The following GALNT10 variants were observed in gnomAD, a reference collection of about 807,000 sequenced individuals.
The protein encoded by GALNT10 is polypeptide N-acetylgalactosaminyltransferase 10, also known as GalNAc transferase 10.
In GALNT10, 41 loss-of-function variants were observed where a neutral mutation model predicts 75.0. That is an observed-to-expected ratio of 0.55 (90% CI 0.43 to 0.71). The LOEUF (loss-of-function observed/expected upper bound fraction) is 0.71, where lower values mean the gene tolerates loss of function less well. Among genes scored for constraint, GALNT10 ranks in the 30% least tolerant of loss-of-function variants. GALNT10 has a pLI of 0.00. For missense variants in GALNT10, 727 were observed against 818.5 expected, an observed-to-expected ratio of 0.89 and a Z score of 1.36; for synonymous variants, 302 against 313.0, an observed-to-expected ratio of 0.96 and a Z score of 0.37.
intron 1 of GALNT10, among the ~76,000 whole-genome samples, chr5:154,251,292 A>G (rs979202780): frequency 6.6e-6 from 1 of 151,998 alleles, no homozygotes; most frequent in African/African-American, 2.4e-5. Flanking sequence ...ATGTGTACCC[A>G]TATTAGTTTA....
chr5:154,276,271 G>A (rs1042472771), intron 1 of GALNT10, among the ~76,000 whole-genome samples: 3 of 152,144 alleles, frequency 2.0e-5, no homozygotes, highest in African/African-American at 7.2e-5. Flanking sequence ...TGCAGTTCAG[G>A]ATTGAGGCCC....
intron 1 of GALNT10, among the ~76,000 whole-genome samples, chr5:154,226,134 A>T (rs999298798): frequency 6.6e-6 from 1 of 151,582 alleles, no homozygotes; most frequent in South Asian, 2.1e-4. Flanking sequence ...AAAGTATAAT[A>T]AAAAAAGGAA....
chr5:154,382,806 C>T (rs781403417), intron 6 of GALNT10, among the ~76,000 whole-genome samples: 1 of 152,220 alleles, frequency 6.6e-6, no homozygotes, highest in Non-Finnish European at 1.5e-5. Flanking sequence ...CTTGGCCCAT[C>T]GTTATCCTCA....
chr5:154,294,846 T>C lies in GALNT10; in HGVS notation c.190T>C (p.Phe64Leu). Residue 64 changes from phenylalanine (F) to leucine (L), a missense_variant, in exon 2 of 12, where the codon TTC (phenylalanine) becomes CTC (leucine). Phe to Leu is a conservative substitution (Grantham distance 22). Coordinates refer to ENST00000297107, the MANE Select transcript of GALNT10 (RefSeq NM_198321.4). ...ACACAGTCGACAAAAGAAAACGTTT[T>C]TCTTGGGAGATGGGCAGAAGCTGAA... is the stretch of plus-strand genomic sequence containing the variant. ...GSHSRQKKTFFLGDGQKLKDW... is the reference protein window; with the variant it reads ...GSHSRQKKTFLLGDGQKLKDW... The C allele has an allele frequency of 6.2e-7, 1 of 1,604,922 alleles. No individual in the cohort carries two copies. Among genetic ancestry groups the C allele is most frequent in the Non-Finnish European group, 8.5e-7 (1 of 1,171,576 alleles).
intron 1 of GALNT10, among the ~76,000 whole-genome samples, chr5:154,293,217 A>G (rs995628363): frequency 3.7e-4 from 56 of 152,360 alleles, no homozygotes; most frequent in African/African-American, 1.3e-3. Flanking sequence ...TGTCCAGCAC[A>G]CCACACATCA....
At chr5:154,268,141 A>G (rs1753803377) in intron 1 of GALNT10, among the ~76,000 whole-genome samples, 1 of 152,202 alleles carries the variant, frequency 6.6e-6, no homozygotes, top group Admixed American at 6.5e-5. Context: ...GTCAGATGGT[A>G]CATACAATTA....
intron 2 of GALNT10, among the ~76,000 whole-genome samples, chr5:154,295,957 A>T (rs567907433): frequency 2.0e-5 from 3 of 152,364 alleles, no homozygotes; most frequent in Non-Finnish European, 4.4e-5. Flanking sequence ...AAGTTACATT[A>T]TGACAAAACC....
intron 1 of GALNT10, among the ~76,000 whole-genome samples, chr5:154,256,634 G>A (rs1753618801): frequency 6.6e-6 from 1 of 152,110 alleles, no homozygotes; most frequent in Non-Finnish European, 1.5e-5. Flanking sequence ...TTCTGTAAAA[G>A]AGAGAGGGCT....
Position 154,294,842 on chromosome 5 carries a change from G to T in GALNT10, c.186G>T (p.Thr62=). 6.2e-7 allele frequency: 1 copy of T among 1,601,568 alleles called. No individual in the cohort carries two copies. The highest frequency in any genetic ancestry group is 1.1e-5 in the South Asian group (1 of 90,818). ...GQGSHSRQKK[T]FFLGDGQKLK... ...GCTCACACAGTCGACAAAAGAAAAC[G>T]TTTTTCTTGGGAGATGGGCAGAAGC... Residue 62 remains threonine, a synonymous_variant, in exon 2 of 12, where the codon ACG becomes ACT. Coordinates refer to ENST00000297107, the MANE Select transcript of GALNT10 (RefSeq NM_198321.4).
intron 1 of GALNT10, among the ~76,000 whole-genome samples, chr5:154,291,123 C>T (rs538563694): frequency 1.3e-5 from 2 of 152,242 alleles, no homozygotes; most frequent in South Asian, 4.1e-4. Flanking sequence ...ATTTTGGAGC[C>T]TTAATTCTCA....
chr5:154,333,381 T>TTG (rs1382470498), intron 4 of GALNT10, among the ~76,000 whole-genome samples: 1 of 152,212 alleles, frequency 6.6e-6, no homozygotes, highest in Non-Finnish European at 1.5e-5. Context: ...AAACACGTTA[T>TTG]TCCTTTCTAT....
intron 1 of GALNT10, among the ~76,000 whole-genome samples, chr5:154,241,160 T>C (rs540784990): frequency 1.3e-5 from 2 of 152,320 alleles, no homozygotes; most frequent in East Asian, 3.9e-4. Flanking sequence ...ATGGAAAGAA[T>C]GTGCTATTGC....
chr5:154,253,650 A>G (rs564251332), intron 1 of GALNT10, among the ~76,000 whole-genome samples: 28 of 151,198 alleles, frequency 1.9e-4, no homozygotes, highest in Middle Eastern at 3.5e-3. Flanking sequence ...AGTTGTCTTG[A>G]ACTTTCAGAA....
chr5:154,217,587 T>C (rs1010262606), intron 1 of GALNT10, among the ~76,000 whole-genome samples: 2 of 152,166 alleles, frequency 1.3e-5, no homozygotes, highest in African/African-American at 2.4e-5. Flanking sequence ...CCAGCTTGCC[T>C]CCCAGATGAA....
At chr5:154,240,239 A>G (rs1421123692) in intron 1 of GALNT10, among the ~76,000 whole-genome samples, 2 of 152,172 alleles carry the variant, frequency 1.3e-5, no homozygotes, top group Non-Finnish European at 2.9e-5. Flanking sequence ...TATAGATACT[A>G]CTTGACCTTG....
chr5:154,364,466 T>C (rs1371660123), intron 4 of GALNT10, among the ~76,000 whole-genome samples: 1 of 152,126 alleles, frequency 6.6e-6, no homozygotes, highest in East Asian at 1.9e-4. Flanking sequence ...AGGCCCTGAA[T>C]GGGAGGTTTC....
At chr5:154,392,355 A>T (rs1755912642) in intron 7 of GALNT10, 1 of 152,150 alleles carries the variant, frequency 6.6e-6, no homozygotes, top group South Asian at 2.1e-4. Flanking sequence ...CAGTGTTTTC[A>T]GTAAGTGTTA....
intron 1 of GALNT10, among the ~76,000 whole-genome samples, chr5:154,207,187 T>C (rs374756207): frequency 2.6e-5 from 4 of 152,344 alleles, no homozygotes; most frequent in East Asian, 1.9e-4. Context: ...GCCTGGGACA[T>C]GCGCAATATG....
chr5:154,317,678 G>A (rs1470689950), intron 3 of GALNT10, among the ~76,000 whole-genome samples: 2 of 152,096 alleles, frequency 1.3e-5, no homozygotes, highest in East Asian at 3.8e-4. Context: ...TTCATTTGAC[G>A]GAATATACCT....
Sources: gnomAD v4.1 joint callset for allele counts (sites outside exome capture counted in the v4.1 genomes callset) on GRCh38, gnomAD v4.1.1 for gene constraint, MANE v1.5 for transcripts, NCBI Gene and HGNC (gene_info 2026-07-23, HGNC 2026-07-21) for gene names.